The following PAPPA variants were observed in gnomAD, a reference collection of about 807,000 sequenced individuals.
PAPPA encodes pappalysin-1.
PAPPA carries 60 observed loss-of-function variants against 164.0 expected under a neutral mutation model. The observed-to-expected ratio is 0.37, with a 90% CI of 0.30 to 0.45. PAPPA has a LOEUF of 0.45. PAPPA is among the 20% of genes least tolerant of loss of function. The pLI, the probability that PAPPA is intolerant of heterozygous loss-of-function variation, is 1.00. For synonymous variants in PAPPA, 875 were observed against 814.1 expected (o/e 1.07, Z -1.27); for missense variants, 1,782 against 2,087.3 (o/e 0.85, Z 2.85).
At chr9:116,374,902 TGAAA>T (rs1846629549) in intron 19 of PAPPA, among the ~76,000 whole-genome samples, 1 of 152,228 alleles carries the variant, frequency 6.6e-6, no homozygotes. Flanking sequence ...GTAGCTTAAT[TGAAA>T]GAAAGGAATA....
intron 4 of PAPPA, among the ~76,000 whole-genome samples, chr9:116,216,441 G>A (rs1303284790): frequency 6.6e-6 from 1 of 152,180 alleles, no homozygotes; most frequent in African/African-American, 2.4e-5. Context: ...CGTATCAACA[G>A]CATGGGGACT....
chr9:116,323,388 T>A (rs1321197293), intron 10 of PAPPA, among the ~76,000 whole-genome samples: 1 of 152,166 alleles, frequency 6.6e-6, no homozygotes, highest in Non-Finnish European at 1.5e-5. Context: ...CAAGCCGGTC[T>A]CTTCTCCCTC....
At chr9:116,272,471 C>T (rs988300313) in intron 9 of PAPPA, among the ~76,000 whole-genome samples, 1 of 152,200 alleles carries the variant, frequency 6.6e-6, no homozygotes, top group African/African-American at 2.4e-5. Flanking sequence ...TGCATTTAGA[C>T]ATTCTTTCTC....
At chr9:116,217,534 T>C (rs1587956858) in intron 4 of PAPPA, among the ~76,000 whole-genome samples, 1 of 152,224 alleles carries the variant, frequency 6.6e-6, no homozygotes, top group Non-Finnish European at 1.5e-5. Context: ...AGAGTATCTA[T>C]CTTTTGAATC....
At chr9:116,360,422 G>A (rs1846410059) in intron 17 of PAPPA, among the ~76,000 whole-genome samples, 1 of 152,104 alleles carries the variant, frequency 6.6e-6, no homozygotes, top group African/African-American at 2.4e-5. Flanking sequence ...CATTGCAATT[G>A]TACCCTCCTT....
intron 4 of PAPPA, among the ~76,000 whole-genome samples, chr9:116,217,016 A>G (rs1286412268): frequency 6.6e-6 from 1 of 152,186 alleles, no homozygotes; most frequent in Non-Finnish European, 1.5e-5. Context: ...CAGGGATTAC[A>G]GGAGAGAGCC....
At chr9:116,305,134 GACACAC>G (rs57723920) in intron 10 of PAPPA, among the ~76,000 whole-genome samples, 1,784 of 129,950 alleles carry the variant, frequency 0.014, 19 homozygotes, top group Non-Finnish European at 0.021. Context: ...TGGGCACACA[GACACAC>G]ACACACACAC....
intron 19 of PAPPA, among the ~76,000 whole-genome samples, chr9:116,369,649 C>A (rs143029229): frequency 1.3e-5 from 2 of 152,254 alleles, no homozygotes; most frequent in African/African-American, 4.8e-5. Flanking sequence ...ACCCCCTGGG[C>A]AAATTCCCAC....
intron 20 of PAPPA, 31 bp from the exon 21 acceptor site, chr9:116,382,364 C>G: frequency 4.5e-5 from 62 of 1,373,226 alleles, no homozygotes; most frequent in Non-Finnish European, 6.0e-5. Context: ...GCTAACAAGG[C>G]CTCATTTCCT....
rs1236488252 is a variant in PAPPA at position 116,332,407 on chromosome 9, C to A, written c.3336C>A (p.Asp1112Glu). 2 of 1,613,836 alleles carry A rather than the reference C, an allele frequency of 1.2e-6. No homozygotes were observed. The highest frequency in any genetic ancestry group is 1.7e-6 in the Non-Finnish European group (2 of 1,179,870). The change falls in exon 12 of 22, where the codon GAC becomes GAA. Residue 1112 changes from aspartate to glutamate, a missense_variant. Coordinates refer to ENST00000328252, the MANE Select transcript of PAPPA (RefSeq NM_002581.5). ...TGACGGATGGGACATATTATGGGGACCAAAAGCAGGAGACCATCAGCGTGC... is the reference window on the plus strand; with the variant it reads ...TGACGGATGGGACATATTATGGGGAACAAAAGCAGGAGACCATCAGCGTGC... ...HLVTDGTYYG[D>E]QKQETISVQL...
intron 12 of PAPPA, 132 bp from the exon 13 acceptor site, chr9:116,334,729 C>T (rs1846038057): frequency 1.6e-6 from 1 of 640,602 alleles, no homozygotes; most frequent in Non-Finnish European, 2.8e-6. Flanking sequence ...AAAATCCTCA[C>T]CGGCCGCCCA....
At chr9:116,389,129 CTTTT>C (rs374938651) in intron 21 of PAPPA, among the ~76,000 whole-genome samples, 4 of 128,844 alleles carry the variant, frequency 3.1e-5, no homozygotes, top group Non-Finnish European at 3.3e-5. Context: ...CAGAATAATC[CTTTT>C]TTTTTTTTTT....
chr9:116,304,437 C>T (rs781370614), intron 10 of PAPPA, among the ~76,000 whole-genome samples: 2 of 152,210 alleles, frequency 1.3e-5, no homozygotes, highest in Non-Finnish European at 2.9e-5. Flanking sequence ...CTGGGGCCAG[C>T]AAGAGAACAA....
intron 10 of PAPPA, among the ~76,000 whole-genome samples, chr9:116,319,183 C>T (rs576881631): frequency 6.6e-6 from 1 of 152,314 alleles, no homozygotes; most frequent in East Asian, 1.9e-4. Context: ...AGGGAGCAGG[C>T]CTGCGGAGGG....
intron 9 of PAPPA, among the ~76,000 whole-genome samples, chr9:116,300,077 G>T (rs933290193): frequency 6.6e-6 from 1 of 152,016 alleles, no homozygotes; most frequent in African/African-American, 2.4e-5. Flanking sequence ...GTCACTCTTG[G>T]ATTGGGCCTA....
chr9:116,340,607 T>G (rs192712837), intron 13 of PAPPA, among the ~76,000 whole-genome samples: 101 of 152,300 alleles, frequency 6.6e-4, no homozygotes, highest in African/African-American at 2.4e-3. Context: ...TCTTCCTGTT[T>G]TCAAGCCTGC....
intron 9 of PAPPA, among the ~76,000 whole-genome samples, chr9:116,302,404 G>A (rs1251353388): frequency 2.0e-5 from 3 of 151,570 alleles, no homozygotes; most frequent in African/African-American, 4.8e-5. Context: ...CCGAGATCCT[G>A]GAAACCACCA....
chr9:116,226,564 T>C (rs1438251597), intron 5 of PAPPA, among the ~76,000 whole-genome samples: 1 of 152,222 alleles, frequency 6.6e-6, no homozygotes, highest in Non-Finnish European at 1.5e-5. Flanking sequence ...AGATTTTGTT[T>C]CCAGTCCCTC....
At chr9:116,311,150 C>G (rs1845713128) in intron 10 of PAPPA, among the ~76,000 whole-genome samples, 1 of 147,984 alleles carries the variant, frequency 6.8e-6, no homozygotes, top group African/African-American at 2.5e-5. Context: ...TCTTACTTCA[C>G]TTAATTAAGA....
Sources: allele counts gnomAD v4.1 joint callset (sites outside exome capture counted in the v4.1 genomes callset), GRCh38; gene constraint gnomAD v4.1.1; transcripts MANE v1.5; gene names NCBI Gene and HGNC (gene_info 2026-07-23, HGNC 2026-07-21).